Variants in B4GALT1 observed in about 807,000 individuals in gnomAD.
B4GALT1 encodes the protein N-acetyllactosamine synthase.
A neutral mutation model predicts 34.9 loss-of-function variants in B4GALT1; 16 were observed. The observed-to-expected ratio is 0.46, with a 90% CI of 0.31 to 0.70. B4GALT1 has a LOEUF of 0.70. B4GALT1 is among the 30% of genes least tolerant of loss of function. The pLI, the probability that B4GALT1 is intolerant of heterozygous loss-of-function variation, is 0.05. For missense variants in B4GALT1, 445 were observed against 530.5 expected (o/e 0.84, Z 1.58); for synonymous variants, 221 against 218.1 (o/e 1.01, Z -0.12).
chr9:33,126,639 T>G (rs1840105855), intron 2 of B4GALT1, among the ~76,000 whole-genome samples: 1 of 152,256 alleles, frequency 6.6e-6, no homozygotes, highest in African/African-American at 2.4e-5. Context: ...TTGTTAACAT[T>G]GTTAACTATT....
intron 2 of B4GALT1, among the ~76,000 whole-genome samples, chr9:33,127,046 C>G (rs1434008653): frequency 6.6e-6 from 1 of 152,136 alleles, no homozygotes; most frequent in African/African-American, 2.4e-5. Context: ...ACTGCAAGCT[C>G]CGCCTCCCGG....
At chr9:33,177,690 C>T in the B4GALT1 span, among the ~76,000 whole-genome samples, 1 of 152,228 alleles carries the variant, frequency 6.6e-6, no homozygotes, top group African/African-American at 2.4e-5. Context: ...AAATGAATCT[C>T]TTAAAACAAC....
chr9:33,116,058 GA>G lies in B4GALT1; in HGVS notation c.891del (p.Leu298Ter). The part of the protein sequence containing the change: ...GGVSALSKQQ[F>X]LTINGFPNNY... ...TTATTAGGAAATCCATTGATGGTTA[GA>G]AACTGTTGTTTACTTAGAGCAGAGA... On this transcript the variant is annotated frameshift_variant, in exon 4 of 6. Coordinates refer to ENST00000379731, the MANE Select transcript of B4GALT1 (RefSeq NM_001497.4). LOFTEE classifies it high-confidence loss of function. 1 of 1,613,574 alleles carries G rather than the reference GA, an allele frequency of 6.2e-7. No individual in the cohort carries two copies. Among genetic ancestry groups the G allele is most frequent in the Non-Finnish European group, 8.5e-7 (1 of 1,179,594 alleles).
chr9:33,135,208 C>A lies in B4GALT1; in HGVS notation c.629G>T (p.Gly210Val), dbSNP rs1416836415. ...CCTCACCTGGTTGATAACATAGATG[C>A]CATAGTCCAGCTGCTGGCGCTGCAG... ...PVLQRQQLDYGIYVINQAGDT... is the reference protein window; with the variant it reads ...PVLQRQQLDYVIYVINQAGDT... Residue 210 changes from glycine to valine, a missense_variant, in exon 2 of 6, where the codon GGC (glycine) becomes GTC (valine). By Grantham distance (109) the Gly-to-Val change is moderately radical. This residue lies in a region of B4GALT1 where 349 missense variants were observed against 395.5 expected (regional missense o/e 0.88). Coordinates refer to ENST00000379731, the MANE Select transcript of B4GALT1 (RefSeq NM_001497.4). The A allele has an allele frequency of 4.3e-6, 7 of 1,614,118 alleles. No homozygotes were observed. The highest frequency in any genetic ancestry group is 5.9e-6 in the Non-Finnish European group (7 of 1,179,994).
chr9:33,184,265 C>CAG, the B4GALT1 span, among the ~76,000 whole-genome samples: 1 of 151,340 alleles, frequency 6.6e-6, no homozygotes, highest in Non-Finnish European at 1.5e-5. Flanking sequence ...CACACACACA[C>CAG]ACACACACAC....
intron 1 of B4GALT1, among the ~76,000 whole-genome samples, chr9:33,156,674 A>G (rs190714315): frequency 6.6e-4 from 101 of 152,316 alleles, no homozygotes; most frequent in Non-Finnish European, 1.2e-3. Flanking sequence ...GATCCCATAC[A>G]CCAGGGCTAT....
At chr9:33,141,776 T>C (rs1263760332) in intron 1 of B4GALT1, among the ~76,000 whole-genome samples, 3 of 152,126 alleles carry the variant, frequency 2.0e-5, no homozygotes, top group Non-Finnish European at 4.4e-5. Context: ...CAATAAATCC[T>C]AGCTGTGTGG....
At chr9:33,159,404 C>G (rs1246040204) in intron 1 of B4GALT1, among the ~76,000 whole-genome samples, 1 of 152,186 alleles carries the variant, frequency 6.6e-6, no homozygotes, top group East Asian at 1.9e-4. Flanking sequence ...TAATCCTGCC[C>G]CTTCCCTCAG....
intron 2 of B4GALT1, among the ~76,000 whole-genome samples, chr9:33,133,358 G>T (rs1840221054): frequency 6.6e-6 from 1 of 152,188 alleles, no homozygotes; most frequent in Admixed American, 6.5e-5. Context: ...CATAGCAACT[G>T]TCAAGAGAGA....
chr9:33,113,901 C>A, intron 4 of B4GALT1, 23 bp from the exon 5 acceptor site: 1 of 1,609,074 alleles, frequency 6.2e-7, no homozygotes, highest in South Asian at 1.1e-5. Flanking sequence ...AAGGGAAAGT[C>A]ATTATCACAG....
chr9:33,121,712 T>G (rs1253484885), intron 2 of B4GALT1, among the ~76,000 whole-genome samples: 1 of 152,170 alleles, frequency 6.6e-6, no homozygotes, highest in Non-Finnish European at 1.5e-5. Context: ...TGTTTTGTTT[T>G]TTTTATTCAC....
In B4GALT1 at chr9:33,118,954, C is replaced by T. The variant is rs185114465; in HGVS notation, c.836+1465G>A. Among the ~76,000 whole-genome samples, 102 of 152,198 alleles carry T rather than the reference C, an allele frequency of 6.7e-4. 2 individuals are homozygous for T. The highest frequency in any genetic ancestry group is 2.1e-4 in the South Asian group (1 of 4,830). On this transcript the variant is annotated intron_variant, in intron 3 of 5. Coordinates refer to ENST00000379731, the MANE Select transcript of B4GALT1 (RefSeq NM_001497.4). ...TCAACTCACTGCAACCTCTGCCTCC[C>T]GGGTTCAAGCAATTCTCCTGCCTCA...
At chr9:33,156,409 C>T (rs1016051739) in intron 1 of B4GALT1, among the ~76,000 whole-genome samples, 30 of 152,282 alleles carry the variant, frequency 2.0e-4, no homozygotes, top group African/African-American at 6.3e-4. Context: ...GCTGGGAATA[C>T]GGGTGTGAGC....
intron 3 of B4GALT1, among the ~76,000 whole-genome samples, chr9:33,116,808 C>T (rs1839946428): frequency 6.6e-6 from 1 of 152,086 alleles, no homozygotes; most frequent in Admixed American, 6.5e-5. Context: ...CAGGCAAGAG[C>T]CACCATGTCC....
chr9:33,176,643 G>A, the B4GALT1 span, among the ~76,000 whole-genome samples: 1 of 152,148 alleles, frequency 6.6e-6, no homozygotes, highest in African/African-American at 2.4e-5. Context: ...CGATAAGTGG[G>A]AGCTAGACAT....
In B4GALT1 at chr9:33,149,200, T is replaced by TA. The variant is rs57591247; in HGVS notation, c.413-13777dup. On this transcript the variant is annotated intron_variant, in intron 1 of 5. Coordinates refer to ENST00000379731, the MANE Select transcript of B4GALT1 (RefSeq NM_001497.4). ...ACGATGAAAGGTAAGAAAAAAAATTTAAAAAAAAAAAAGTGGATGAAAGTT... is the reference window on the plus strand; with the variant it reads ...ACGATGAAAGGTAAGAAAAAAAATTTAAAAAAAAAAAAAGTGGATGAAAGTT... Among the ~76,000 whole-genome samples, 51 of 147,004 alleles carry TA rather than the reference T, an allele frequency of 3.5e-4. 1 individual carries two copies. Among genetic ancestry groups the TA allele is most frequent in the South Asian group, 6.4e-4 (3 of 4,720 alleles).
rs575174896 is a variant in B4GALT1, at chr9:33,155,512, C to T, written c.412+11246G>A. ...TCTTGCCCAGGATACTGATGAACAA[C>T]GTCCACCTGAAGGGAAGAATGTGAG... On this transcript the variant is annotated intron_variant, in intron 1 of 5. Coordinates refer to ENST00000379731, the MANE Select transcript of B4GALT1 (RefSeq NM_001497.4). Among the ~76,000 whole-genome samples, 97 of 152,322 alleles carry T rather than the reference C, an allele frequency of 6.4e-4. 2 individuals are homozygous for T. Among genetic ancestry groups the T allele is most frequent in the Admixed American group, 5.8e-3 (88 of 15,300 alleles).
upstream of B4GALT1, among the ~76,000 whole-genome samples, chr9:33,167,611 G>GCCTCCTCTT (rs1840789681): frequency 1.3e-5 from 2 of 152,228 alleles, no homozygotes; most frequent in Non-Finnish European, 2.9e-5. Context: ...GTTGAGCCGC[G>GCCTCCTCTT]CCTCCTCTTC....
chr9:33,146,464 C>A (rs1351268681), intron 1 of B4GALT1, among the ~76,000 whole-genome samples: 1 of 152,186 alleles, frequency 6.6e-6, no homozygotes, highest in East Asian at 1.9e-4. Flanking sequence ...GCTGGGGCAG[C>A]CACCTGTGTC....
Sources: allele counts gnomAD v4.1 joint callset (sites outside exome capture counted in the v4.1 genomes callset), GRCh38; gene constraint gnomAD v4.1.1; regional missense constraint gnomAD v4.1.1; transcripts MANE v1.5; gene names NCBI Gene and HGNC (gene_info 2026-07-23, HGNC 2026-07-21).